The following MAPK6 variants were observed in gnomAD, a reference collection of about 807,000 sequenced individuals.
MAPK6 encodes the protein ERK-3.
MAPK6 carries 19 observed loss-of-function variants against 59.3 expected under a neutral mutation model. That is an observed-to-expected ratio of 0.32 (90% CI 0.22 to 0.47). The LOEUF (loss-of-function observed/expected upper bound fraction) is 0.47, where lower values mean the gene tolerates loss of function less well. Ranked by LOEUF, MAPK6 falls within the 20% of genes least tolerant of loss-of-function variation. MAPK6 has a pLI of 1.00. For missense variants in MAPK6, 724 were observed against 847.9 expected, an observed-to-expected ratio of 0.85 and a Z score of 1.81; for synonymous variants, 316 against 290.3, an observed-to-expected ratio of 1.09 and a Z score of -0.90.
intron 1 of MAPK6, among the ~76,000 whole-genome samples, chr15:52,038,401 A>G (rs1210577027): frequency 1.3e-5 from 2 of 152,164 alleles, no homozygotes; most frequent in African/African-American, 2.4e-5. Context: ...TTAGTCAGTA[A>G]AATGTGAGAA....
intron 1 of MAPK6, among the ~76,000 whole-genome samples, chr15:52,025,627 C>G (rs567306229): frequency 2.0e-5 from 3 of 152,234 alleles, no homozygotes; most frequent in South Asian, 4.2e-4. Context: ...ATGGTGAAAC[C>G]CTGTCTCTAC....
intron 1 of MAPK6, among the ~76,000 whole-genome samples, chr15:52,024,878 CTTTTTT>C (rs35983896): frequency 8.3e-5 from 7 of 84,150 alleles, no homozygotes; most frequent in African/African-American, 1.8e-4. Context: ...CATACACTGC[CTTTTTT>C]TTTTTTTTTT....
rs905343282 is a variant in MAPK6, at chr15:52,051,391, C to G, written c.700+1254C>G. On this transcript the variant is annotated intron_variant, in intron 3 of 5. Transcript: ENST00000261845. ...CATTTTTAGAGTGGTTCCCCCCAAC[C>G]CCCAGACGGTGCTAAGAGCAGAAGG... is the stretch of plus-strand genomic sequence containing the variant. 1.2e-4 allele frequency among the ~76,000 whole-genome samples: 18 copies of G among 151,628 alleles called. No individual in the cohort carries two copies. In the South Asian group the frequency reaches 3.8e-3, roughly 32 times the overall value.
chr15:52,062,313 C>A (rs2032234921), intron 5 of MAPK6, among the ~76,000 whole-genome samples: 3 of 152,044 alleles, frequency 2.0e-5, no homozygotes, highest in Admixed American at 2.0e-4. Context: ...AGGCGTGAAC[C>A]ACCGTACTCA....
intron 2 of MAPK6, among the ~76,000 whole-genome samples, chr15:51,997,553 C>T (rs1034677081): frequency 6.6e-6 from 1 of 151,864 alleles, no homozygotes; most frequent in African/African-American, 2.4e-5. Flanking sequence ...CCACCTTGCC[C>T]GGCCCAGGCA....
At chr15:52,056,805 TC>T (rs1397856102) in intron 3 of MAPK6, 1 of 152,212 alleles carries the variant, frequency 6.6e-6, no homozygotes, top group Non-Finnish European at 1.5e-5. Flanking sequence ...TCATTCTTTT[TC>T]ATTCCTTTAA....
chr15:52,003,148 T>C (rs1024392602), intron 2 of MAPK6, among the ~76,000 whole-genome samples: 3 of 151,632 alleles, frequency 2.0e-5, no homozygotes, highest in African/African-American at 7.3e-5. Flanking sequence ...GATTGCACCA[T>C]TGCACTCCAG....
chr15:52,035,941 G>A (rs1280915833), intron 1 of MAPK6, among the ~76,000 whole-genome samples: 5 of 150,638 alleles, frequency 3.3e-5, no homozygotes, highest in African/African-American at 9.8e-5. Context: ...TATGATTTTT[G>A]TAGCTTATCC....
intron 2 of MAPK6, among the ~76,000 whole-genome samples, chr15:52,049,309 T>C (rs1278774025): frequency 6.6e-6 from 1 of 151,956 alleles, no homozygotes; most frequent in Non-Finnish European, 1.5e-5. Flanking sequence ...AACCAGCTCG[T>C]CTTCTGAAAA....
intron 1 of MAPK6, chr15:52,021,702 TA>T (rs1447989846): frequency 6.6e-6 from 1 of 152,174 alleles, no homozygotes; most frequent in Non-Finnish European, 1.5e-5. Context: ...AAATTGACCT[TA>T]TGTTTTTATT....
intron 2 of MAPK6, among the ~76,000 whole-genome samples, chr15:51,997,549 T>G: frequency 6.6e-6 from 1 of 151,932 alleles, no homozygotes; most frequent in East Asian, 1.9e-4. Flanking sequence ...TGAACCACCT[T>G]GCCCGGCCCA....
chr15:52,032,294 G>A (rs2031068911), intron 1 of MAPK6, among the ~76,000 whole-genome samples: 2 of 149,586 alleles, frequency 1.3e-5, no homozygotes, highest in South Asian at 4.2e-4. Flanking sequence ...TGGTTTAAGC[G>A]ATTCTCCTGC....
chr15:51,993,116 A>G (rs188570482), intron 2 of MAPK6, among the ~76,000 whole-genome samples: 29 of 152,304 alleles, frequency 1.9e-4, no homozygotes, highest in African/African-American at 6.7e-4. Context: ...ACCAGCTCCC[A>G]TTCTGAGGCT....
At chr15:51,975,295 C>A (rs1393924151) in intron 1 of MAPK6, among the ~76,000 whole-genome samples, 3 of 151,744 alleles carry the variant, frequency 2.0e-5, no homozygotes, top group Non-Finnish European at 4.4e-5. Context: ...GTAATCCCAG[C>A]ACTTTGGGAG....
intron 4 of MAPK6, among the ~76,000 whole-genome samples, chr15:52,060,748 A>T (rs1310964468): frequency 6.6e-6 from 1 of 152,198 alleles, no homozygotes; most frequent in East Asian, 1.9e-4. Context: ...CTGGAGTGTG[A>T]TGTGAAGCAG....
In MAPK6 at chr15:52,067,252, G is replaced by C. The variant is rs2032447252; in HGVS notation, c.*2252G>C. On this transcript the variant is annotated 3_prime_UTR_variant, in exon 6 of 6. Transcript: ENST00000261845. ...GTTGGCATTAAAAAGTCCAAACATA[G>C]TCATCAAAGGAAGAAGAAAGTAAAA... is the stretch of plus-strand genomic sequence containing the variant. The C allele has an allele frequency of 6.6e-6, 1 of 152,092 alleles. No homozygotes were observed. The highest frequency in any genetic ancestry group is 2.1e-4 in the South Asian group (1 of 4,820). 9.4% of individuals were successfully genotyped at this position (152,092 alleles called of 1,614,324 possible).
chr15:52,055,918 G>A (rs905198470), intron 3 of MAPK6, among the ~76,000 whole-genome samples: 2 of 152,158 alleles, frequency 1.3e-5, no homozygotes, highest in Non-Finnish European at 2.9e-5. Context: ...CTCTTAAGTA[G>A]CATAGTTTTA....
intron 1 of MAPK6, among the ~76,000 whole-genome samples, chr15:52,029,451 A>G (rs957946595): frequency 6.6e-6 from 1 of 151,758 alleles, no homozygotes; most frequent in Non-Finnish European, 1.5e-5. Flanking sequence ...CATTCAACTC[A>G]TTGTTTTAAA....
intron 1 of MAPK6, among the ~76,000 whole-genome samples, chr15:52,033,151 G>A (rs2031104428): frequency 6.6e-6 from 1 of 152,170 alleles, no homozygotes; most frequent in South Asian, 2.1e-4. Flanking sequence ...TCTTTTGAAG[G>A]TTATTTCTCT....
Sources: allele counts gnomAD v4.1 joint callset (sites outside exome capture counted in the v4.1 genomes callset), GRCh38; gene constraint gnomAD v4.1.1; transcripts MANE v1.5; gene names NCBI Gene and HGNC (gene_info 2026-07-23, HGNC 2026-07-21).